Variants in GATAD2B observed in about 807,000 individuals in gnomAD.
The protein encoded by GATAD2B is GATA zinc finger domain containing 2B, also known as transcriptional repressor p66-beta.
Under a neutral mutation model 64.3 loss-of-function variants are expected in GATAD2B, and 8 were observed. The observed-to-expected ratio is 0.12, with a 90% CI of 0.07 to 0.22. The LOEUF (loss-of-function observed/expected upper bound fraction) is 0.22. Among genes scored for constraint, GATAD2B ranks in the 10% least tolerant of loss-of-function variants. GATAD2B has a pLI of 1.00. For synonymous variants in GATAD2B, 281 were observed against 271.3 expected, an observed-to-expected ratio of 1.04 and a Z score of -0.35; for missense variants, 453 against 752.0, an observed-to-expected ratio of 0.60 and a Z score of 4.65.
intron 1 of GATAD2B, chr1:153,914,558 T>C (rs1222469177): frequency 6.6e-6 from 1 of 152,136 alleles, no homozygotes; most frequent in Non-Finnish European, 1.5e-5. Context: ...TCTAAACCCA[T>C]AGGAGTATTT....
chr1:153,810,923 C>T (rs1264791020), intron 10 of GATAD2B, among the ~76,000 whole-genome samples: 1 of 152,030 alleles, frequency 6.6e-6, no homozygotes, highest in African/African-American at 2.4e-5. Context: ...GCCACCACGC[C>T]GGGCTAATTT....
chr1:153,855,258 A>G (rs2060654994), intron 1 of GATAD2B, among the ~76,000 whole-genome samples: 1 of 151,266 alleles, frequency 6.6e-6, no homozygotes, highest in Admixed American at 6.6e-5. Context: ...TTTTTGAGAC[A>G]GAGTCTTGCT....
chr1:153,825,497 C>T (rs1358578323), intron 2 of GATAD2B, among the ~76,000 whole-genome samples: 2 of 152,126 alleles, frequency 1.3e-5, no homozygotes, highest in East Asian at 3.9e-4. Flanking sequence ...GATCTCAGCT[C>T]ACTGCAACCT....
chr1:153,833,363 A>T (rs1327458221), intron 1 of GATAD2B, among the ~76,000 whole-genome samples: 2 of 152,244 alleles, frequency 1.3e-5, no homozygotes, highest in Non-Finnish European at 2.9e-5. Flanking sequence ...CTCAGAAAAA[A>T]GATCCCTTTC....
chr1:153,862,329 G>A (rs1368737473), intron 1 of GATAD2B, among the ~76,000 whole-genome samples: 1 of 151,616 alleles, frequency 6.6e-6, no homozygotes, highest in Non-Finnish European at 1.5e-5. Context: ...CACCATGTTG[G>A]CCAGACTGGT....
In GATAD2B at chr1:153,916,897, C is replaced by T. The variant is rs945066438; in HGVS notation, c.-2+5836G>A. Among the ~76,000 whole-genome samples, 32 of 152,294 alleles carry T rather than the reference C, an allele frequency of 2.1e-4. 1 individual carries two copies. The highest frequency in any genetic ancestry group is 2.0e-3 in the Admixed American group (30 of 15,284). On this transcript the variant is annotated intron_variant, in intron 1 of 10. Transcript: ENST00000368655. ...AATCTCGGCTCACTGCAACCTCTGC[C>T]TCCCGGGTTCAAGCTATTCTCTGCC...
At position 153,811,846 on chromosome 1, in the gene GATAD2B, A is replaced by G; in HGVS notation, c.1533T>C (p.Ala511=). ...GCTGGAGGCTGCTCTGGGGCTGTGG[A>G]GCCTGCAATGATGAGGAGACAGTGG... ...TIMRHHTLRQ[A]PQPQSSLQRG... Residue 511 remains alanine, a splice_region_variant and synonymous_variant, in exon 10 of 11, where the codon GCT becomes GCC. Transcript: ENST00000368655. 6.3e-7 allele frequency: 1 copy of G among 1,598,652 alleles called. No homozygotes were observed. The highest frequency in any genetic ancestry group is 1.1e-5 in the South Asian group (1 of 90,042).
At chr1:153,814,320 T>G (rs965695565) in intron 7 of GATAD2B, among the ~76,000 whole-genome samples, 7 of 152,254 alleles carry the variant, frequency 4.6e-5, no homozygotes, top group African/African-American at 1.7e-4. Flanking sequence ...CTAGACTGTA[T>G]GTTGTTAATA....
At chr1:153,900,128 T>C (rs1677722500) in intron 1 of GATAD2B, among the ~76,000 whole-genome samples, 1 of 152,110 alleles carries the variant, frequency 6.6e-6, no homozygotes, top group African/African-American at 2.4e-5. Flanking sequence ...AATTTCTTTT[T>C]TTTTACTGGG....
rs113888342 is a variant in GATAD2B, at chr1:153,837,377, CA to C, written c.-1-9030del. On this transcript the variant is annotated intron_variant, in intron 1 of 10. Transcript: ENST00000368655. ...CAAAAAACCCCAAAAACAAAACAAACAAAAAAAAAAACACAGTAGAATAGAG... is the reference window on the plus strand; with the variant it reads ...CAAAAAACCCCAAAAACAAAACAAACAAAAAAAAAACACAGTAGAATAGAG... 9.1e-3 allele frequency among the ~76,000 whole-genome samples: 1,320 copies of C among 145,700 alleles called. 24 individuals are homozygous for C. Among genetic ancestry groups the C allele is most frequent in the African/African-American group, 0.032 (1,261 of 39,036 alleles).
intron 2 of GATAD2B, among the ~76,000 whole-genome samples, chr1:153,821,555 C>T (rs1674684465): frequency 2.0e-5 from 3 of 151,908 alleles, no homozygotes; most frequent in Non-Finnish European, 2.9e-5. Context: ...GAGTAACAGG[C>T]CTGAATAAAG....
chr1:153,842,435 C>T (rs1675530065), intron 1 of GATAD2B, among the ~76,000 whole-genome samples: 1 of 152,144 alleles, frequency 6.6e-6, no homozygotes, highest in African/African-American at 2.4e-5. Flanking sequence ...AAATCTGAAG[C>T]ACTGTGTAAC....
rs1239715259 is a variant in GATAD2B at position 153,816,100 on chromosome 1, A to ACACACACACT, written c.1216+172_1216+173insAGTGTGTGTG. On this transcript the variant is annotated intron_variant, in intron 7 of 10. Transcript: ENST00000368655. The surrounding 1 kb of genome is among the most constrained non-coding windows in gnomAD (Gnocchi z 4.9). ...CACACACACACACACACACACACAC[A>ACACACACACT]CTCCGCTTCTAACATGTTGCTCCCA... Among the ~76,000 whole-genome samples the ACACACACACT allele has an allele frequency of 1.5e-5, 2 of 136,304 alleles. No homozygotes were observed. Among genetic ancestry groups the ACACACACACT allele is most frequent in the Non-Finnish European group, 3.2e-5 (2 of 62,076 alleles). 89.4% of individuals were successfully genotyped at this position (136,304 alleles called of 152,430 possible).
At chr1:153,835,948 C>T (rs1675246797) in intron 1 of GATAD2B, among the ~76,000 whole-genome samples, 1 of 152,112 alleles carries the variant, frequency 6.6e-6, no homozygotes, top group African/African-American at 2.4e-5. Flanking sequence ...GTCTCAAACT[C>T]CTGACTTCAA....
rs1674475558 is a variant in GATAD2B at position 153,816,166 on chromosome 1, A to T, written c.1216+107T>A. The T allele has an allele frequency of 1.4e-6, 1 of 723,574 alleles. No individual in the cohort carries two copies. The highest frequency in any genetic ancestry group is 2.4e-6 in the Non-Finnish European group (1 of 423,312). The allele number at this position is 723,574 out of a possible 1,614,324, so 44.8% of individuals were successfully genotyped here. On this transcript the variant is annotated intron_variant, in intron 7 of 10. Coordinates refer to ENST00000368655, the MANE Select transcript of GATAD2B (RefSeq NM_020699.4). This position sits in a 1 kb window ranked among gnomAD's most constrained non-coding sequence, Gnocchi z 4.9. The stretch of plus-strand genomic sequence containing the variant: ...GGGAGGGAGGTGGTTTGGTAACAGG[A>T]AGGAGAAGTTATTTAATATTGTACA...
chr1:153,823,458 G>A (rs965823908), intron 2 of GATAD2B, among the ~76,000 whole-genome samples: 1 of 152,180 alleles, frequency 6.6e-6, no homozygotes, highest in South Asian at 2.1e-4. Context: ...AAGATATTTA[G>A]GCTATTATGA....
rs1306883988 is a variant in GATAD2B at position 153,816,498 on chromosome 1, T to C, written c.991A>G (p.Arg331Gly). Residue 331 changes from arginine to glycine, a missense_variant, in exon 7 of 11, where the codon AGA (arginine) becomes GGA (glycine). Around this residue, in one of 2 missense-constraint regions of GATAD2B, gnomAD observed 293 missense variants for 417.2 expected, o/e 0.70. Coordinates refer to ENST00000368655, the MANE Select transcript of GATAD2B (RefSeq NM_020699.4). The surrounding 1 kb of genome is among the most constrained non-coding windows in gnomAD (Gnocchi z 4.9). ...ASHIQPGTVNRVSSPLPSPSA... is the reference protein window; with the variant it reads ...ASHIQPGTVNGVSSPLPSPSA... Reference sequence around the variant, plus strand: ...GGGCTAGGAAGTGGCGAGGACACTCTGTTCACCGTCCCTGGCTGGATATGA... The same window carrying C: ...GGGCTAGGAAGTGGCGAGGACACTCCGTTCACCGTCCCTGGCTGGATATGA... 1 of 1,613,748 alleles carries C rather than the reference T, an allele frequency of 6.2e-7. No homozygotes were observed. Among genetic ancestry groups the C allele is most frequent in the South Asian group, 1.1e-5 (1 of 91,076 alleles).
At chr1:153,844,912 TAAA>T (rs879602837) in intron 1 of GATAD2B, among the ~76,000 whole-genome samples, 1 of 124,596 alleles carries the variant, frequency 8.0e-6, no homozygotes, top group Non-Finnish European at 1.8e-5. Flanking sequence ...TAAAGTATAA[TAAA>T]AAAAAAAAAG....
intron 8 of GATAD2B, among the ~76,000 whole-genome samples, chr1:153,812,871 T>C (rs1674341478): frequency 6.6e-6 from 1 of 152,218 alleles, no homozygotes; most frequent in Non-Finnish European, 1.5e-5. Flanking sequence ...TACTTCATAA[T>C]TCACTCTTTC....
Sources: allele counts gnomAD v4.1 joint callset (sites outside exome capture counted in the v4.1 genomes callset), GRCh38; gene constraint gnomAD v4.1.1; regional missense constraint gnomAD v4.1.1; non-coding constraint Gnocchi (gnomAD v3.1); transcripts MANE v1.5; gene names NCBI Gene and HGNC (gene_info 2026-07-23, HGNC 2026-07-21).